The following B4GALT7 variants were observed in gnomAD, a reference collection of about 807,000 sequenced individuals.
B4GALT7 encodes the protein beta-1,4-galactosyltransferase 7.
B4GALT7 carries 30 observed loss-of-function variants against 33.0 expected under a neutral mutation model. That is an observed-to-expected ratio of 0.91 (90% CI 0.68 to 1.23). The LOEUF (loss-of-function observed/expected upper bound fraction) is 1.23, where lower values mean the gene tolerates loss of function less well. Among genes scored for constraint, B4GALT7 ranks in the 50% most tolerant of loss-of-function variants. The pLI is 0.00. For missense variants in B4GALT7, 507 were observed against 450.8 expected (o/e 1.12, Z -1.13); for synonymous variants, 213 against 187.2 (o/e 1.14, Z -1.13).
rs1026522102 is a variant in B4GALT7, at chr5:177,608,589, G to C, written c.690G>C (p.Glu230Asp). 2 of 1,613,962 alleles carry C rather than the reference G, an allele frequency of 1.2e-6. No individual in the cohort carries two copies. Among genetic ancestry groups the C allele is most frequent in the Non-Finnish European group, 1.7e-6 (2 of 1,180,024 alleles). The change falls in exon 4 of 6, where the codon GAG becomes GAC. Residue 230 changes from glutamate (E) to aspartate (D), a missense_variant. Glu to Asp is a conservative substitution (Grantham distance 45). Coordinates refer to ENST00000029410, the MANE Select transcript of B4GALT7 (RefSeq NM_007255.3). The surrounding 1 kb of genome is among the most constrained non-coding windows in gnomAD (Gnocchi z 4.1). Reference sequence around the variant, plus strand: ...GGGGCTGGGGCCGCGAGGACGACGAGTTCTACCGGCGCATTAAGGGAGCTG... The same window carrying C: ...GGGGCTGGGGCCGCGAGGACGACGACTTCTACCGGCGCATTAAGGGAGCTG... ...RFWGWGREDD[E>D]FYRRIKGAGL... is the part of the protein sequence containing the mutation.
chr5:177,605,550 C>T (rs1767970011), intron 2 of B4GALT7, among the ~76,000 whole-genome samples: 1 of 152,224 alleles, frequency 6.6e-6, no homozygotes, highest in Non-Finnish European at 1.5e-5. Context: ...CCAGTTCCCT[C>T]CACAACTCAC....
chr5:177,604,138 C>T (rs1342720845), intron 1 of B4GALT7, 41 bp from the exon 2 acceptor site: 1 of 1,612,038 alleles, frequency 6.2e-7, no homozygotes, highest in African/African-American at 1.3e-5. Context: ...ACAGGGCCAG[C>T]CCTGCCCCGC....
At position 177,602,784 on chromosome 5, in the gene B4GALT7, C is replaced by T. The variant is rs1767878094; in HGVS notation, c.51-1395C>T. On this transcript the variant is annotated intron_variant, in intron 1 of 5. Coordinates refer to ENST00000029410, the MANE Select transcript of B4GALT7 (RefSeq NM_007255.3). ...AAGGGCTTGGCCTTTGTCTGGCAAA[C>T]AGAGGAGGGTCATTCAGAAGACTGA... 8.2e-6 allele frequency: 8 copies of T among 981,122 alleles called. No individual in the cohort carries two copies. The African/African-American group carries it at 1.2e-4, about 15-fold the overall frequency. 60.8% of individuals were successfully genotyped at this position (981,122 alleles called of 1,614,324 possible).
chr5:177,604,064 A>T, intron 1 of B4GALT7, 115 bp from the exon 2 acceptor site: 1 of 1,447,704 alleles, frequency 6.9e-7, no homozygotes, highest in Non-Finnish European at 9.6e-7. Flanking sequence ...ACTAATTCCC[A>T]GGTGCTTGGG....
Position 177,600,392 on chromosome 5 carries a change from C to G in B4GALT7, c.50+132C>G, listed in dbSNP as rs1246389065. ...GTTTCTGTGAGGGCGTGTGGTTCTCCCTGTGGGTCCCTGGCGCTCTGTTCC... is the reference window on the plus strand; with the variant it reads ...GTTTCTGTGAGGGCGTGTGGTTCTCGCTGTGGGTCCCTGGCGCTCTGTTCC... On this transcript the variant is annotated intron_variant, in intron 1 of 5. Transcript: ENST00000029410. This position sits in a 1 kb window ranked among gnomAD's most constrained non-coding sequence, Gnocchi z 4.4. The G allele has an allele frequency of 1.5e-6, 1 of 670,312 alleles. No individual in the cohort carries two copies. Among genetic ancestry groups the G allele is most frequent in the Non-Finnish European group, 2.1e-6 (1 of 477,442 alleles). 41.5% of individuals were successfully genotyped at this position (670,312 alleles called of 1,614,324 possible). A position where few individuals can be genotyped will look rare whatever the true frequency, so the allele number is the denominator to read the frequency against.
rs1194653868 is a variant in B4GALT7 at position 177,600,930 on chromosome 5, C to A, written c.50+670C>A. ...CTGTATTGGCCCTACGTGAAAGATG[C>A]GAGCTTGGCCCACACCTTAGCTAAT... On this transcript the variant is annotated intron_variant, in intron 1 of 5. Transcript: ENST00000029410. This position sits in a 1 kb window ranked among gnomAD's most constrained non-coding sequence, Gnocchi z 4.4. 2.0e-5 allele frequency among the ~76,000 whole-genome samples: 3 copies of A among 152,202 alleles called. No homozygotes were observed. Among genetic ancestry groups the A allele is most frequent in the African/African-American group, 7.2e-5 (3 of 41,450 alleles).
In B4GALT7 at chr5:177,600,279, C is replaced by A; in HGVS notation, c.50+19C>A. 7.6e-7 allele frequency: 1 copy of A among 1,310,356 alleles called. No individual in the cohort carries two copies. The highest frequency in any genetic ancestry group is 9.7e-7 in the Non-Finnish European group (1 of 1,026,644). 81.2% of individuals were successfully genotyped at this position (1,310,356 alleles called of 1,614,324 possible). ...ACGGCAGGTGAGCGGCGGCGGTGGG[C>A]CCGGGCCCCGTCCTCCCGGGCGCCG... On this transcript the variant is annotated intron_variant, in intron 1 of 5. Coordinates refer to ENST00000029410, the MANE Select transcript of B4GALT7 (RefSeq NM_007255.3). This position sits in a 1 kb window ranked among gnomAD's most constrained non-coding sequence, Gnocchi z 4.4.
At position 177,609,946 on chromosome 5, in the gene B4GALT7, C is replaced by A; in HGVS notation, c.*251C>A. The A allele has an allele frequency of 5.4e-6, 3 of 554,914 alleles. No homozygotes were observed. The highest frequency in any genetic ancestry group is 2.0e-5 in the South Asian group (1 of 50,268). The allele number at this position is 554,914 out of a possible 1,614,324, so 34.4% of individuals were successfully genotyped here. A position where few individuals can be genotyped will look rare whatever the true frequency, so the allele number is the denominator to read the frequency against. On this transcript the variant is annotated 3_prime_UTR_variant, in exon 6 of 6. Transcript: ENST00000029410. ...GGGGTGTGTCCTGTCCGGGACCCCCCCTGCCTTCCTGCTCACCCTACTCTG... is the reference window on the plus strand; with the variant it reads ...GGGGTGTGTCCTGTCCGGGACCCCCACTGCCTTCCTGCTCACCCTACTCTG...
chr5:177,609,578 T>G lies in B4GALT7; in HGVS notation c.867T>G (p.Thr289=). The G allele has an allele frequency of 6.2e-7, 1 of 1,613,810 alleles. No individual in the cohort carries two copies. The highest frequency in any genetic ancestry group is 1.1e-5 in the South Asian group (1 of 91,070). Residue 289 remains threonine (T), a synonymous_variant, in exon 6 of 6, where the codon ACT becomes ACG. Coordinates refer to ENST00000029410, the MANE Select transcript of B4GALT7 (RefSeq NM_007255.3). ...TGGACAGGGAGGGAGGCCTGAACAC[T>G]GTGAAGTACCATGTGGCTTCCCGCA... is the stretch of plus-strand genomic sequence containing the variant. The part of the protein sequence containing the change: ...FKVDREGGLN[T]VKYHVASRTA...
chr5:177,601,713 G>A (rs1767856474), intron 1 of B4GALT7, among the ~76,000 whole-genome samples: 1 of 152,130 alleles, frequency 6.6e-6, no homozygotes, highest in Non-Finnish European at 1.5e-5. Context: ...GATTGATGAG[G>A]GAGACAAAGC....
Position 177,606,987 on chromosome 5 carries a change from C to A in B4GALT7, c.414-315C>A. 2.3e-6 allele frequency: 1 copy of A among 441,352 alleles called. No individual in the cohort carries two copies. The highest frequency in any genetic ancestry group is 2.0e-5 in the African/African-American group (1 of 50,136). The allele number at this position is 441,352 out of a possible 1,614,324, so 27.3% of individuals were successfully genotyped here. A position where few individuals can be genotyped will look rare whatever the true frequency, so the allele number is the denominator to read the frequency against. On this transcript the variant is annotated intron_variant, in intron 2 of 5. Coordinates refer to ENST00000029410, the MANE Select transcript of B4GALT7 (RefSeq NM_007255.3). This position sits in a 1 kb window ranked among gnomAD's most constrained non-coding sequence, Gnocchi z 4.2. ...AAGATCGCCCTCCTTGCCTGCTTTGCTTTTCCCCCCAGCACGAACCACTGC... is the reference window on the plus strand; with the variant it reads ...AAGATCGCCCTCCTTGCCTGCTTTGATTTTCCCCCCAGCACGAACCACTGC...
At position 177,608,486 on chromosome 5, in the gene B4GALT7, GGCC is replaced by G. The variant is rs1429567464; in HGVS notation, c.640-52_640-50del. On this transcript the variant is annotated intron_variant, in intron 3 of 5. Transcript: ENST00000029410. The surrounding 1 kb of genome is among the most constrained non-coding windows in gnomAD (Gnocchi z 4.1). The stretch of plus-strand genomic sequence containing the variant: ...CACTCCCGAGCGGTAGGAGACCAAA[GGCC>G]CCCCCCCCCGGGAAGATGGGCCGAG... 6.7e-6 allele frequency: 10 copies of G among 1,483,866 alleles called. No individual in the cohort carries two copies. The highest frequency in any genetic ancestry group is 8.4e-6 in the Non-Finnish European group (9 of 1,071,386). The allele number at this position is 1,483,866 out of a possible 1,614,324, so 91.9% of individuals were successfully genotyped here.
In B4GALT7 at chr5:177,609,873, G is replaced by A; in HGVS notation, c.*178G>A. 1.3e-6 allele frequency: 1 copy of A among 748,354 alleles called. No homozygotes were observed. The highest frequency in any genetic ancestry group is 1.7e-5 in the South Asian group (1 of 58,628). 46.4% of individuals were successfully genotyped at this position (748,354 alleles called of 1,614,324 possible). On this transcript the variant is annotated 3_prime_UTR_variant, in exon 6 of 6. Coordinates refer to ENST00000029410, the MANE Select transcript of B4GALT7 (RefSeq NM_007255.3). ...AGGCTTGGGCTGGGCCAGGACACGT[G>A]GGGTGCCTGGGACGCTGCTTGCCAT...
rs1481506264 is a variant in B4GALT7 at position 177,600,890 on chromosome 5, C to A, written c.50+630C>A. ...AGACACTCCTTATACACGCATTAGT[C>A]CATTTCCTGTGCAGCTGTATTGGCC... On this transcript the variant is annotated intron_variant, in intron 1 of 5. Coordinates refer to ENST00000029410, the MANE Select transcript of B4GALT7 (RefSeq NM_007255.3). This position sits in a 1 kb window ranked among gnomAD's most constrained non-coding sequence, Gnocchi z 4.4. Among the ~76,000 whole-genome samples, 1 of 152,216 alleles carries A rather than the reference C, an allele frequency of 6.6e-6. No individual in the cohort carries two copies. Among genetic ancestry groups the A allele is most frequent in the Admixed American group, 6.5e-5 (1 of 15,284 alleles).
intron 3 of B4GALT7, 57 bp downstream of exon 3, chr5:177,607,584 T>G: frequency 6.5e-7 from 1 of 1,537,038 alleles, no homozygotes; most frequent in Non-Finnish European, 8.9e-7. Context: ...AGGCTGCGGG[T>G]GGTGGGAAGG....
chr5:177,608,454 A>T lies in B4GALT7; in HGVS notation c.640-85A>T. On this transcript the variant is annotated intron_variant, in intron 3 of 5. Coordinates refer to ENST00000029410, the MANE Select transcript of B4GALT7 (RefSeq NM_007255.3). The surrounding 1 kb of genome is among the most constrained non-coding windows in gnomAD (Gnocchi z 4.1). ...GGGGCTTATTCAGAGGCGCTGGGGG[A>T]GAGGGGCACTCCCGAGCGGTAGGAG... The T allele has an allele frequency of 8.1e-7, 1 of 1,235,220 alleles. No individual in the cohort carries two copies. Among genetic ancestry groups the T allele is most frequent in the Non-Finnish European group, 1.2e-6 (1 of 842,582 alleles). 76.5% of individuals were successfully genotyped at this position (1,235,220 alleles called of 1,614,324 possible). A position where few individuals can be genotyped will look rare whatever the true frequency, so the allele number is the denominator to read the frequency against.
At chr5:177,605,652 C>T (rs1299306522) in intron 2 of B4GALT7, 1 of 152,954 alleles carries the variant, frequency 6.5e-6, no homozygotes, top group Non-Finnish European at 1.5e-5. Flanking sequence ...TTCCCCCCAC[C>T]CCACAGTTGG....
Position 177,607,374 on chromosome 5 carries a change from C to A in B4GALT7, c.486C>A (p.His162Gln). ...SSNSTDYIAM[H>Q]DVDLLPLNEE... ...ACAGCACGGACTACATTGCCATGCA[C>A]GACGTTGACCTGCTCCCTCTCAACG... The change falls in exon 3 of 6, where the codon CAC becomes CAA. Residue 162 changes from histidine (H) to glutamine (Q), a missense_variant. His to Gln is a conservative substitution (Grantham distance 24). Transcript: ENST00000029410. 6.2e-7 allele frequency: 1 copy of A among 1,614,066 alleles called. No individual in the cohort carries two copies. Among genetic ancestry groups the A allele is most frequent in the Non-Finnish European group, 8.5e-7 (1 of 1,180,008 alleles).
In B4GALT7 at chr5:177,608,874, G is replaced by C; in HGVS notation, c.724-36G>C. The C allele has an allele frequency of 6.4e-7, 1 of 1,568,304 alleles. No individual in the cohort carries two copies. Among genetic ancestry groups the C allele is most frequent in the South Asian group, 1.1e-5 (1 of 90,060 alleles). On this transcript the variant is annotated intron_variant, in intron 4 of 5. Coordinates refer to ENST00000029410, the MANE Select transcript of B4GALT7 (RefSeq NM_007255.3). The surrounding 1 kb of genome is among the most constrained non-coding windows in gnomAD (Gnocchi z 4.1). ...GTGGTGAGGGCTGGGGCTCCAGGAAGGGCAGCCTGACCCCGACTTCCTTGG... is the reference window on the plus strand; with the variant it reads ...GTGGTGAGGGCTGGGGCTCCAGGAACGGCAGCCTGACCCCGACTTCCTTGG...
Sources: allele counts gnomAD v4.1 joint callset (sites outside exome capture counted in the v4.1 genomes callset), GRCh38; gene constraint gnomAD v4.1.1; non-coding constraint Gnocchi (gnomAD v3.1); transcripts MANE v1.5; gene names NCBI Gene and HGNC (gene_info 2026-07-23, HGNC 2026-07-21).